The following ATF6B variants were observed in gnomAD, a reference collection of about 807,000 sequenced individuals.
ATF6B encodes activating transcription factor 6 beta, also known as cyclic AMP-dependent transcription factor ATF-6 beta.
In ATF6B, 50 loss-of-function variants were observed where a neutral mutation model predicts 83.5. The ratio of observed to expected loss-of-function variants is 0.60; its 90% CI spans 0.48 to 0.76. The LOEUF (loss-of-function observed/expected upper bound fraction) is 0.76. Ranked by LOEUF, ATF6B falls within the 30% of genes least tolerant of loss-of-function variation. ATF6B has a pLI of 0.00. For synonymous variants in ATF6B, 344 were observed against 362.8 expected, an observed-to-expected ratio of 0.95 and a Z score of 0.59; for missense variants, 790 against 893.8, an observed-to-expected ratio of 0.88 and a Z score of 1.48.
intron 1 of ATF6B, 148 bp from the exon 2 acceptor site, chr6:32,127,898 C>T (rs953235155): frequency 7.9e-6 from 8 of 1,018,964 alleles, no homozygotes; most frequent in East Asian, 2.6e-5. Flanking sequence ...GCGCTTCAGC[C>T]CCTCCTTCCC....
chr6:32,126,161 T>G lies in ATF6B; in HGVS notation c.434A>C (p.Glu145Ala). 1 of 1,614,170 alleles carries G rather than the reference T, an allele frequency of 6.2e-7. No homozygotes were observed. The highest frequency in any genetic ancestry group is 8.5e-7 in the Non-Finnish European group (1 of 1,180,036). Residue 145 changes from glutamate (E) to alanine (A), a missense_variant, in exon 5 of 18, where the codon GAA becomes GCA. Physicochemically the swap from Glu to Ala is moderately radical, Grantham distance 107 (BLOSUM62 -1). Transcript: ENST00000375203. ...LLGDDPTSSFETVQINVIPTS... is the reference protein window; with the variant it reads ...LLGDDPTSSFATVQINVIPTS... ...GGGGATAACGTTGATCTGGACGGTT[T>G]CAAATGAGGATGTTGGGTCATCTCC...
intron 4 of ATF6B, among the ~76,000 whole-genome samples, chr6:32,126,885 A>T (rs754260023): frequency 6.6e-6 from 1 of 152,198 alleles, no homozygotes; most frequent in South Asian, 2.1e-4. Context: ...ACAAAAAACA[A>T]ACAAACAAAA....
chr6:32,117,453 A>C lies in ATF6B; in HGVS notation c.1533-49T>G. On this transcript the variant is annotated intron_variant, in intron 13 of 17. Coordinates refer to ENST00000375203, the MANE Select transcript of ATF6B (RefSeq NM_004381.5). The surrounding 1 kb of genome is among the most constrained non-coding windows in gnomAD (Gnocchi z 5.0). ...ACCTCCATGCCAGGCCAAGATTCCC[A>C]CCCTCCTTGCCCACCCACAGGAGTG... 1 of 1,604,202 alleles carries C rather than the reference A, an allele frequency of 6.2e-7. No individual in the cohort carries two copies. The highest frequency in any genetic ancestry group is 1.7e-5 in the Admixed American group (1 of 59,184).
Position 32,119,106 on chromosome 6 carries a change from C to A in ATF6B, c.1002G>T (p.Lys334Asn), listed in dbSNP as rs1451149396. ...GGGACTGGCAGGCTGACTCCCGGTT[C>A]TTGATCATTCGCTGCTGCCGCTTCA... ...KLLKRQQRMI[K>N]NRESACQSRR... The change falls in exon 10 of 18, where the codon AAG (lysine) becomes AAT (asparagine). Residue 334 changes from lysine to asparagine, a missense_variant. By Grantham distance (94) the Lys-to-Asn change is moderately conservative (BLOSUM62 0). Around this residue, in one of 3 missense-constraint regions of ATF6B, gnomAD observed 530 missense variants for 632.6 expected, o/e 0.84. Transcript: ENST00000375203. The surrounding 1 kb of genome is among the most constrained non-coding windows in gnomAD (Gnocchi z 4.9). 1.9e-6 allele frequency: 3 copies of A among 1,612,396 alleles called. No individual in the cohort carries two copies. The highest frequency in any genetic ancestry group is 1.8e-4 in the Middle Eastern group (1 of 5,468).
rs1033647284 is a variant in ATF6B at position 32,125,448 on chromosome 6, C to G, written c.478+669G>C. ...AGAATCTAGTTTAGTATATGGTGTT[C>G]TAGCCTTTCTGTATGTTTAAAAATG... On this transcript the variant is annotated intron_variant, in intron 5 of 17. Transcript: ENST00000375203. This position sits in a 1 kb window ranked among gnomAD's most constrained non-coding sequence, Gnocchi z 4.1. 1.3e-5 allele frequency among the ~76,000 whole-genome samples: 2 copies of G among 152,126 alleles called. No individual in the cohort carries two copies. Among genetic ancestry groups the G allele is most frequent in the African/African-American group, 2.4e-5 (1 of 41,412 alleles).
chr6:32,116,580 G>A lies in ATF6B; in HGVS notation c.1798-16C>T, dbSNP rs893536582. On this transcript the variant is annotated splice_polypyrimidine_tract_variant and intron_variant, in intron 16 of 17. Transcript: ENST00000375203. This position sits in a 1 kb window ranked among gnomAD's most constrained non-coding sequence, Gnocchi z 5.1. ...GCAGGTGGTCCTGGGGAACAGATGGGCCAGGCCAGAAGGGTGGAGGCAAAG... is the reference window on the plus strand; with the variant it reads ...GCAGGTGGTCCTGGGGAACAGATGGACCAGGCCAGAAGGGTGGAGGCAAAG... The A allele has an allele frequency of 6.3e-7, 1 of 1,597,444 alleles. No individual in the cohort carries two copies. The highest frequency in any genetic ancestry group is 1.3e-5 in the African/African-American group (1 of 74,754).
chr6:32,120,747 G>A (rs1477214717), intron 8 of ATF6B, 24 bp downstream of exon 8: 5 of 1,605,396 alleles, frequency 3.1e-6, no homozygotes, highest in Non-Finnish European at 4.3e-6. Context: ...CACCATGCCC[G>A]GCCCTTTTCT....
intron 5 of ATF6B, among the ~76,000 whole-genome samples, chr6:32,122,856 A>C (rs1010673132): frequency 6.6e-6 from 1 of 151,386 alleles, no homozygotes; most frequent in Non-Finnish European, 1.5e-5. Context: ...AAAAAAAAAA[A>C]AAAAAAAAAC....
Position 32,118,079 on chromosome 6 carries a change from CT to C in ATF6B, c.1245-42del. On this transcript the variant is annotated intron_variant, in intron 11 of 17. Coordinates refer to ENST00000375203, the MANE Select transcript of ATF6B (RefSeq NM_004381.5). This position sits in a 1 kb window ranked among gnomAD's most constrained non-coding sequence, Gnocchi z 5.2. ...GACTGAGCACAATGAAGAATTTCAG[CT>C]GTATCAAGTATCTAGGTAAGAATAA... 1 of 1,611,618 alleles carries C rather than the reference CT, an allele frequency of 6.2e-7. No homozygotes were observed. Among genetic ancestry groups the C allele is most frequent in the Non-Finnish European group, 8.5e-7 (1 of 1,178,132 alleles).
Position 32,118,431 on chromosome 6 carries a change from T to C in ATF6B, c.1244+344A>G, listed in dbSNP as rs1781618090. Among the ~76,000 whole-genome samples, 1 of 151,948 alleles carries C rather than the reference T, an allele frequency of 6.6e-6. No homozygotes were observed. Among genetic ancestry groups the C allele is most frequent in the South Asian group, 2.1e-4 (1 of 4,826 alleles). ...AACAACAGTGAAACCCTGTCTCTAC[T>C]AAAAAATACAAAAAATTAGCCGGGC... On this transcript the variant is annotated intron_variant, in intron 11 of 17. Transcript: ENST00000375203. This position sits in a 1 kb window ranked among gnomAD's most constrained non-coding sequence, Gnocchi z 5.2.
chr6:32,128,221 C>T lies in ATF6B; in HGVS notation c.-14G>A. On this transcript the variant is annotated 5_prime_UTR_variant, in exon 1 of 18. Coordinates refer to ENST00000375203, the MANE Select transcript of ATF6B (RefSeq NM_004381.5). Reference sequence around the variant, plus strand: ...CAGCTCCGCCATCTTTCCCCCCCACCCCCCAACCAGGAGACGGTTCCCAAG... The same window carrying T: ...CAGCTCCGCCATCTTTCCCCCCCACTCCCCAACCAGGAGACGGTTCCCAAG... 1 of 1,605,446 alleles carries T rather than the reference C, an allele frequency of 6.2e-7. No individual in the cohort carries two copies. The highest frequency in any genetic ancestry group is 8.5e-7 in the Non-Finnish European group (1 of 1,178,650).
At position 32,119,775 on chromosome 6, in the gene ATF6B, C is replaced by G; in HGVS notation, c.966+49G>C. 6.3e-7 allele frequency: 1 copy of G among 1,599,578 alleles called. No homozygotes were observed. Among genetic ancestry groups the G allele is most frequent in the Non-Finnish European group, 8.5e-7 (1 of 1,171,104 alleles). On this transcript the variant is annotated intron_variant, in intron 9 of 17. Transcript: ENST00000375203. The surrounding 1 kb of genome is among the most constrained non-coding windows in gnomAD (Gnocchi z 4.9). Reference sequence around the variant, plus strand: ...CAGTTCTCTCTATGGCAAGACTTCCCTCTTCCCTTCCCATCACTCGCCCTA... The same window carrying G: ...CAGTTCTCTCTATGGCAAGACTTCCGTCTTCCCTTCCCATCACTCGCCCTA...
At chr6:32,126,349 A>C in intron 4 of ATF6B, 97 bp from the exon 5 acceptor site, 1 of 1,411,940 alleles carries the variant, frequency 7.1e-7, no homozygotes, top group South Asian at 1.4e-5. Flanking sequence ...TTAGAAGTTT[A>C]GGGCTTACAA....
intron 5 of ATF6B, among the ~76,000 whole-genome samples, chr6:32,124,709 A>G (rs1781897341): frequency 6.6e-6 from 1 of 152,056 alleles, no homozygotes; most frequent in Admixed American, 6.6e-5. Flanking sequence ...ACACAAGTCA[A>G]CCCCCACACT....
In ATF6B at chr6:32,120,181, T is replaced by TC. The variant is rs1229631389; in HGVS notation, c.833-225dup. 497 of 363,990 alleles carry TC rather than the reference T, an allele frequency of 1.4e-3. 7 individuals carry two copies. The highest frequency in any genetic ancestry group is 1.7e-4 in the Non-Finnish European group (36 of 208,560). 22.5% of individuals were successfully genotyped at this position (363,990 alleles called of 1,614,324 possible). A position where few individuals can be genotyped will look rare whatever the true frequency, so the allele number is the denominator to read the frequency against. ...GGTGCGATCTCGGCTCACTGCAAGC[T>TC]CCGCCTCCCGGGTTCACGCCATTCT... On this transcript the variant is annotated intron_variant, in intron 8 of 17. Coordinates refer to ENST00000375203, the MANE Select transcript of ATF6B (RefSeq NM_004381.5).
intron 3 of ATF6B, 62 bp downstream of exon 3, chr6:32,127,380 T>G: frequency 6.5e-7 from 1 of 1,544,338 alleles, no homozygotes; most frequent in South Asian, 1.2e-5. Flanking sequence ...ACGTAGTTTC[T>G]GGGAAACAGT....
In ATF6B at chr6:32,125,474, T is replaced by C. The variant is rs1781931137; in HGVS notation, c.478+643A>G. ...TAGCCTTTCTGTATGTTTAAAAATG[T>C]TTATGGGCTGGGCGCGATGGCTCAC... On this transcript the variant is annotated intron_variant, in intron 5 of 17. Coordinates refer to ENST00000375203, the MANE Select transcript of ATF6B (RefSeq NM_004381.5). This position sits in a 1 kb window ranked among gnomAD's most constrained non-coding sequence, Gnocchi z 4.1. Among the ~76,000 whole-genome samples, 1 of 152,086 alleles carries C rather than the reference T, an allele frequency of 6.6e-6. No homozygotes were observed. The highest frequency in any genetic ancestry group is 1.5e-5 in the Non-Finnish European group (1 of 68,022).
Position 32,118,758 on chromosome 6 carries a change from A to G in ATF6B, c.1244+17T>C. The G allele has an allele frequency of 6.2e-7, 1 of 1,612,900 alleles. No individual in the cohort carries two copies. Among genetic ancestry groups the G allele is most frequent in the Non-Finnish European group, 8.5e-7 (1 of 1,178,870 alleles). ...GGCTCCACCTGGAAGGTTCTAGTGA[A>G]GCAAGGAAGGTCTCACCTGACAGGT... On this transcript the variant is annotated intron_variant, in intron 11 of 17. Transcript: ENST00000375203. This position sits in a 1 kb window ranked among gnomAD's most constrained non-coding sequence, Gnocchi z 5.2.
At chr6:32,122,376 T>C (rs750497925) in intron 5 of ATF6B, among the ~76,000 whole-genome samples, 39 of 152,194 alleles carry the variant, frequency 2.6e-4, no homozygotes, top group Admixed American at 1.7e-3. Flanking sequence ...ATAAAACCCT[T>C]CTGAGGGCCA....
Sources: allele counts gnomAD v4.1 joint callset (sites outside exome capture counted in the v4.1 genomes callset), GRCh38; gene constraint gnomAD v4.1.1; regional missense constraint gnomAD v4.1.1; non-coding constraint Gnocchi (gnomAD v3.1); transcripts MANE v1.5; gene names NCBI Gene and HGNC (gene_info 2026-07-23, HGNC 2026-07-21).